SLC2A5: variants seen among roughly 807,000 people sequenced by gnomAD.
The protein encoded by SLC2A5 is solute carrier family 2, facilitated glucose transporter member 5.
A neutral mutation model predicts 50.3 loss-of-function variants in SLC2A5; 56 were observed. The ratio of observed to expected loss-of-function variants is 1.11; its 90% confidence interval spans 0.90 to 1.39. The LOEUF (loss-of-function observed/expected upper bound fraction) is 1.39. Ranked by LOEUF, SLC2A5 falls within the 40% of genes most tolerant of loss-of-function variation. The probability of loss-of-function intolerance (pLI) is 0.00; values close to 1 mark genes in which losing one functional copy is unlikely to be tolerated. For synonymous variants in SLC2A5, 269 were observed against 281.9 expected (o/e 0.95, Z 0.46); for missense variants, 566 against 650.1 (o/e 0.87, Z 1.41).
chr1:9,047,572 AC>A (rs1641466724), intron 4 of SLC2A5, 37 bp downstream of exon 4: 2 of 1,604,316 alleles, frequency 1.2e-6, no homozygotes, highest in Non-Finnish European at 1.7e-6. Context: ...CTCCTTGACG[AC>A]CCTCACAGAA....
Position 9,058,154 on chromosome 1 carries a change from G to A in SLC2A5, c.130C>T (p.Leu44=). 6.2e-7 allele frequency: 1 copy of A among 1,610,534 alleles called. No homozygotes were observed. Among genetic ancestry groups the A allele is most frequent in the Non-Finnish European group, 8.5e-7 (1 of 1,176,758 alleles). Residue 44 remains leucine (L), a splice_region_variant and synonymous_variant, in exon 2 of 12, where the codon CTG becomes TTG. Transcript: ENST00000377424. ...TCTTGCTCACCACAGTGACCTACCA[G>A]TGCTGGGGAGTTGACAGCAGCCACG... The part of the protein sequence containing the change: ...YNVAAVNSPA[L]LMQQFYNETY...
intron 1 of SLC2A5, among the ~76,000 whole-genome samples, chr1:9,067,187 C>T (rs1356493328): frequency 2.6e-5 from 4 of 152,164 alleles, no homozygotes; most frequent in South Asian, 2.1e-4. Flanking sequence ...AATGATTTCC[C>T]GGATTCTTAC....
intron 8 of SLC2A5, among the ~76,000 whole-genome samples, 196 bp downstream of exon 8, chr1:9,039,356 C>T (rs1641227920): frequency 6.6e-6 from 1 of 152,248 alleles, no homozygotes; most frequent in African/African-American, 2.4e-5. Flanking sequence ...CAGGTGGTGG[C>T]CCCGGGCCCG....
chr1:9,055,198 G>A (rs1641717992), intron 3 of SLC2A5, among the ~76,000 whole-genome samples: 1 of 151,998 alleles, frequency 6.6e-6, no homozygotes, highest in African/African-American at 2.4e-5. Context: ...GTGTCTCTCT[G>A]TGCACCATTT....
chr1:9,077,985 C>A (rs1254584017), intron 2 of SLC2A5, among the ~76,000 whole-genome samples: 2 of 152,104 alleles, frequency 1.3e-5, no homozygotes, highest in African/African-American at 4.8e-5. Context: ...GAGCAGTGGC[C>A]TGGGCTGCTC....
At chr1:9,081,672 G>A (rs1029730981) in intron 2 of SLC2A5, among the ~76,000 whole-genome samples, 2 of 151,896 alleles carry the variant, frequency 1.3e-5, no homozygotes, top group Non-Finnish European at 2.9e-5. Context: ...TGACCAAGAA[G>A]CACATGAAAA....
intron 8 of SLC2A5, 35 bp downstream of exon 8, chr1:9,039,517 G>C (rs1569836214): frequency 6.7e-7 from 1 of 1,483,312 alleles, no homozygotes; most frequent in Non-Finnish European, 9.1e-7. Flanking sequence ...GAGGGGCCTT[G>C]GGTGGAGGCT....
intron 3 of SLC2A5, among the ~76,000 whole-genome samples, chr1:9,048,467 G>A (rs541421255): frequency 2.0e-5 from 3 of 152,072 alleles, no homozygotes; most frequent in South Asian, 2.1e-4. Flanking sequence ...AGCTGAGATC[G>A]TGCCACTGCA....
rs1641545698 is a variant in SLC2A5 at position 9,050,601 on chromosome 1, ACT to A, written c.294-2869_294-2868del. ...CACAGACCTAAATATAAAATGCAAA[ACT>A]ATAAAACTCCTAGAAGATAGCTTAG... On this transcript the variant is annotated intron_variant, in intron 3 of 11. Transcript: ENST00000377424. Among the ~76,000 whole-genome samples the A allele has an allele frequency of 1.2e-4, 19 of 152,260 alleles. No homozygotes were observed. The South Asian group carries it at 3.9e-3, about 32-fold the overall frequency.
rs1751679 is a variant in SLC2A5, at chr1:9,062,449, G to C, written c.34-4199C>G. On this transcript the variant is annotated intron_variant, in intron 1 of 11. Coordinates refer to ENST00000377424, the MANE Select transcript of SLC2A5 (RefSeq NM_003039.3). Reference sequence around the variant, plus strand: ...GGAATTTGGCCAGTGTGGCTGGAGCGTGGGGAAAGGAGGGCAAACCGGGGT... The same window carrying C: ...GGAATTTGGCCAGTGTGGCTGGAGCCTGGGGAAAGGAGGGCAAACCGGGGT... 6.9e-3 allele frequency among the ~76,000 whole-genome samples: 1,044 copies of C among 152,064 alleles called. 6 individuals are homozygous for C. The highest frequency in any genetic ancestry group is 0.012 in the Admixed American group (179 of 15,274).
In SLC2A5 at chr1:9,037,885, G is replaced by GGCCCCAC; in HGVS notation, c.1302+5_1302+11dup. 3 of 1,613,562 alleles carry GGCCCCAC rather than the reference G, an allele frequency of 1.9e-6. No individual in the cohort carries two copies. Among genetic ancestry groups the GGCCCCAC allele is most frequent in the Non-Finnish European group, 2.5e-6 (3 of 1,179,872 alleles). On this transcript the variant is annotated intron_variant, in intron 11 of 11. Coordinates refer to ENST00000377424, the MANE Select transcript of SLC2A5 (RefSeq NM_003039.3). Reference sequence around the variant, plus strand: ...GATCTGGTGGTGAGCGTGGGCCCCGGGCCCCACTCACCTGGATGAACGGGA... The same window carrying GGCCCCAC: ...GATCTGGTGGTGAGCGTGGGCCCCGGGCCCCACGCCCCACTCACCTGGATGAACGGGA...
upstream of SLC2A5, among the ~76,000 whole-genome samples, chr1:9,074,071 C>T (rs1187482203): frequency 6.7e-6 from 1 of 149,298 alleles, no homozygotes; most frequent in African/African-American, 2.5e-5. Flanking sequence ...CAGCGCAAAA[C>T]TCCATCTCCA....
At chr1:9,063,720 A>G (rs1476370133) in intron 1 of SLC2A5, among the ~76,000 whole-genome samples, 6 of 67,006 alleles carry the variant, frequency 9.0e-5, no homozygotes, top group Admixed American at 2.4e-4. Flanking sequence ...TTTGAGACGG[A>G]GTCTTCGCTC....
intron 1 of SLC2A5, among the ~76,000 whole-genome samples, chr1:9,059,136 C>CTTTTTT (rs869052429): frequency 3.7e-5 from 2 of 53,924 alleles, no homozygotes; most frequent in Non-Finnish European, 6.2e-5. Flanking sequence ...GCCTTTCTTT[C>CTTTTTT]TTTTTTTTTT....
chr1:9,090,674 A>G (rs1457079905), upstream of SLC2A5, among the ~76,000 whole-genome samples: 1 of 151,986 alleles, frequency 6.6e-6, no homozygotes, highest in Admixed American at 6.6e-5. Context: ...CTATCCCTCT[A>G]CATACCTCCT....
chr1:9,066,806 C>T (rs1194343311), intron 1 of SLC2A5, among the ~76,000 whole-genome samples: 2 of 151,464 alleles, frequency 1.3e-5, no homozygotes, highest in Admixed American at 6.6e-5. Context: ...AGTGAGACCC[C>T]GTCTCTTCAA....
intron 1 of SLC2A5, among the ~76,000 whole-genome samples, chr1:9,086,535 T>C (rs370060531): frequency 2.6e-5 from 4 of 152,028 alleles, no homozygotes; most frequent in Non-Finnish European, 5.9e-5. Flanking sequence ...ATTACAGGCA[T>C]GCACCACCAC....
rs1170058832 is a variant in SLC2A5, at chr1:9,040,155, G to A, written c.606C>T (p.Pro202=). ...WPILLGLTGV[P]AALQLLLLPF... ...GCAGCAGAAGGAGCTGCAGCGCCGCGGGGACCCCGGTCAGCCCCAGCAGGA... is the reference window on the plus strand; with the variant it reads ...GCAGCAGAAGGAGCTGCAGCGCCGCAGGGACCCCGGTCAGCCCCAGCAGGA... The change falls in exon 6 of 12, where the codon CCC becomes CCT. Residue 202 remains proline, a synonymous_variant. Coordinates refer to ENST00000377424, the MANE Select transcript of SLC2A5 (RefSeq NM_003039.3). The surrounding 1 kb of genome is among the most constrained non-coding windows in gnomAD (Gnocchi z 4.3). The A allele has an allele frequency of 5.1e-6, 8 of 1,561,768 alleles. No individual in the cohort carries two copies. The highest frequency in any genetic ancestry group is 6.9e-6 in the Non-Finnish European group (8 of 1,154,196).
chr1:9,038,568 C>G, intron 9 of SLC2A5, 62 bp from the exon 10 acceptor site: 1 of 1,434,438 alleles, frequency 7.0e-7, no homozygotes. Context: ...CCCCAGGGGG[C>G]GGCCAACCTG....
Sources: allele counts gnomAD v4.1 joint callset (sites outside exome capture counted in the v4.1 genomes callset), GRCh38; gene constraint gnomAD v4.1.1; non-coding constraint Gnocchi (gnomAD v3.1); transcripts MANE v1.5; gene names NCBI Gene and HGNC (gene_info 2026-07-23, HGNC 2026-07-21).